HUS1: variants seen among roughly 807,000 people sequenced by gnomAD.
The protein encoded by HUS1 is checkpoint protein HUS1.
In HUS1, 31 loss-of-function variants were observed where a neutral mutation model predicts 32.6. The ratio of observed to expected loss-of-function variants is 0.95; its 90% CI spans 0.72 to 1.28. The LOEUF (loss-of-function observed/expected upper bound fraction) is 1.28. Ranked by LOEUF, HUS1 falls within the 50% of genes most tolerant of loss-of-function variation. The probability of loss-of-function intolerance (pLI) is 0.00; values close to 1 mark genes in which losing one functional copy is unlikely to be tolerated. For missense variants in HUS1, 340 were observed against 337.7 expected (o/e 1.01, Z -0.05); for synonymous variants, 123 against 116.6 (o/e 1.06, Z -0.36).
At chr7:47,968,726 C>A (rs1788531960) in intron 6 of HUS1, 1 of 153,890 alleles carries the variant, frequency 6.5e-6, no homozygotes, top group Non-Finnish European at 1.4e-5. Flanking sequence ...CCTCTCTCCC[C>A]ACTTGCTGAA....
intron 5 of HUS1, among the ~76,000 whole-genome samples, chr7:47,972,126 A>G (rs1441239051): frequency 1.3e-5 from 2 of 152,236 alleles, no homozygotes; most frequent in Non-Finnish European, 2.9e-5. Context: ...AATAAAATAT[A>G]TAAAACAATC....
At chr7:47,977,036 G>C (rs1182697045) in intron 3 of HUS1, among the ~76,000 whole-genome samples, 199 bp from the exon 4 acceptor site, 4 of 119,896 alleles carry the variant, frequency 3.3e-5, no homozygotes, top group South Asian at 2.5e-4. Context: ...CCAGGAACTG[G>C]GAAGTGTGGT....
chr7:47,973,716 G>A (rs1313092172), intron 5 of HUS1, among the ~76,000 whole-genome samples: 7 of 152,086 alleles, frequency 4.6e-5, no homozygotes, highest in Admixed American at 2.0e-4. Flanking sequence ...ATTCCAGATC[G>A]TAGTAGCCTC....
intron 6 of HUS1, chr7:47,968,925 T>C (rs777533637): frequency 1.5e-5 from 4 of 269,098 alleles, no homozygotes; most frequent in Non-Finnish European, 2.7e-5. Flanking sequence ...AGGACAGGAA[T>C]TGAATAGCTG....
At chr7:47,977,889 C>T (rs1788739339) in intron 3 of HUS1, among the ~76,000 whole-genome samples, 1 of 151,962 alleles carries the variant, frequency 6.6e-6, no homozygotes, top group Non-Finnish European at 1.5e-5. Context: ...GAGACTCCGT[C>T]TCAAAAAAAA....
At chr7:47,976,523 A>G in intron 4 of HUS1, 2 of 620,346 alleles carry the variant, frequency 3.2e-6, no homozygotes, top group East Asian at 3.3e-5. Context: ...TGAGCGAGAC[A>G]TTTTCTACAT....
chr7:47,978,641 CAGTGACAATCTGCAG>C, intron 2 of HUS1, 33 bp downstream of exon 2: 1 of 1,612,544 alleles, frequency 6.2e-7, no homozygotes. Flanking sequence ...GTGATCTTTC[CAGTGACAATCTGCAG>C]AGTGTGCAGG....
intron 5 of HUS1, among the ~76,000 whole-genome samples, chr7:47,972,060 T>C (rs1197784521): frequency 6.6e-6 from 1 of 151,260 alleles, no homozygotes; most frequent in South Asian, 2.1e-4. Flanking sequence ...TCCAAAAAAA[T>C]ATATTGTTAT....
chr7:47,974,765 CACT>C (rs1340382770), intron 5 of HUS1, among the ~76,000 whole-genome samples: 3 of 152,128 alleles, frequency 2.0e-5, no homozygotes, highest in East Asian at 1.9e-4. Flanking sequence ...CATTTCCCAC[CACT>C]GTCACACACT....
At chr7:47,971,050 C>T (rs571050420) in intron 5 of HUS1, among the ~76,000 whole-genome samples, 2 of 152,100 alleles carry the variant, frequency 1.3e-5, no homozygotes, top group African/African-American at 4.8e-5. Context: ...GACAGAATAA[C>T]GTGTAGTAAT....
At chr7:47,976,169 A>T (rs943306561) in intron 4 of HUS1, 5 of 353,246 alleles carry the variant, frequency 1.4e-5, no homozygotes, top group Admixed American at 3.8e-5. Flanking sequence ...GGCTTTTTCA[A>T]AATCAGTGTA....
Position 47,968,475 on chromosome 7 carries a change from TA to T in HUS1, c.641-551del, listed in dbSNP as rs1293454568. Among the ~76,000 whole-genome samples, 4 of 152,360 alleles carry T rather than the reference TA, an allele frequency of 2.6e-5. No homozygotes were observed. The East Asian group carries it at 7.7e-4, about 29-fold the overall frequency. ...GTAAAAATTCCTTCCAACTCTATGCTAAAATCTGTGTTTATATTCAAGCAGA... is the reference window on the plus strand; with the variant it reads ...GTAAAAATTCCTTCCAACTCTATGCTAAATCTGTGTTTATATTCAAGCAGA... On this transcript the variant is annotated intron_variant, in intron 6 of 7. Coordinates refer to ENST00000258774, the MANE Select transcript of HUS1 (RefSeq NM_004507.4).
intron 5 of HUS1, among the ~76,000 whole-genome samples, chr7:47,974,904 A>C (rs567186352): frequency 6.6e-6 from 1 of 152,202 alleles, no homozygotes; most frequent in Non-Finnish European, 1.5e-5. Flanking sequence ...ATGGTGTGGC[A>C]TATCTTTGTC....
intron 4 of HUS1, chr7:47,976,458 C>T (rs1205731350): frequency 1.2e-5 from 6 of 511,066 alleles, no homozygotes; most frequent in African/African-American, 7.7e-5. Flanking sequence ...GCCAAGAATA[C>T]TAATAAATAC....
chr7:47,965,206 A>C lies in HUS1; in HGVS notation c.*150T>G. 1.8e-6 allele frequency: 1 copy of C among 554,602 alleles called. No individual in the cohort carries two copies. Among genetic ancestry groups the C allele is most frequent in the African/African-American group, 1.8e-5 (1 of 54,172 alleles). The allele number at this position is 554,602 out of a possible 1,614,324, so 34.4% of individuals were successfully genotyped here. ...TTATCCAACTGTGTGTTGTTGAATC[A>C]ACTTTTAGTTAAAATGTTAGAGAGG... On this transcript the variant is annotated 3_prime_UTR_variant, in exon 8 of 8. Transcript: ENST00000258774.
At chr7:47,967,603 GTT>G (rs1283744251) in intron 7 of HUS1, among the ~76,000 whole-genome samples, 6 of 151,456 alleles carry the variant, frequency 4.0e-5, no homozygotes, top group Non-Finnish European at 7.4e-5. Context: ...CCCAGGGGTT[GTT>G]TCTCTGCTGC....
At chr7:47,974,691 G>A (rs1788662867) in intron 5 of HUS1, among the ~76,000 whole-genome samples, 1 of 152,072 alleles carries the variant, frequency 6.6e-6, no homozygotes, top group Non-Finnish European at 1.5e-5. Flanking sequence ...AGGGGGAGGA[G>A]GGAGGGGCAG....
At chr7:47,969,070 T>TA in intron 6 of HUS1, 149 bp downstream of exon 6, 1 of 582,668 alleles carries the variant, frequency 1.7e-6, no homozygotes, top group Non-Finnish European at 3.0e-6. Context: ...CAGGGATACA[T>TA]AGTCCAGTCT....
intron 5 of HUS1, among the ~76,000 whole-genome samples, chr7:47,974,711 G>A (rs1356209295): frequency 6.6e-6 from 1 of 152,076 alleles, no homozygotes; most frequent in Non-Finnish European, 1.5e-5. Flanking sequence ...GTGAGTGAAG[G>A]AAGAATTCAC....
Sources: gnomAD v4.1 joint callset for allele counts (sites outside exome capture counted in the v4.1 genomes callset) on GRCh38, gnomAD v4.1.1 for gene constraint, MANE v1.5 for transcripts, NCBI Gene and HGNC (gene_info 2026-07-23, HGNC 2026-07-21) for gene names.